PNKD: variants seen among roughly 807,000 people sequenced by gnomAD.
PNKD encodes the protein PNKD metallo-beta-lactamase domain containing.
A neutral mutation model predicts 45.3 loss-of-function variants in PNKD; 36 were observed. The ratio of observed to expected loss-of-function variants is 0.80; its 90% CI spans 0.61 to 1.05. The LOEUF is 1.05. PNKD is among the 50% of genes least tolerant of loss of function. The pLI, the probability that PNKD is intolerant of heterozygous loss-of-function variation, is 0.00. For missense variants in PNKD, 511 were observed against 506.6 expected (o/e 1.01, Z -0.08); for synonymous variants, 197 against 210.1 (o/e 0.94, Z 0.54).
At chr2:218,293,452 A>G (rs926773606) in intron 2 of PNKD, among the ~76,000 whole-genome samples, 3 of 152,054 alleles carry the variant, frequency 2.0e-5, no homozygotes, top group Admixed American at 6.6e-5. Context: ...GCCTTGCCTG[A>G]GTTTCTGTGG....
chr2:218,278,688 G>T, intron 2 of PNKD: 1 of 1,073,482 alleles, frequency 9.3e-7, no homozygotes, highest in Non-Finnish European at 1.4e-6. Context: ...CAACTCAACA[G>T]GAAGCAAGAA....
rs1163918435 is a variant in PNKD, at chr2:218,345,471, C to T, written c.*490C>T. On this transcript the variant is annotated 3_prime_UTR_variant, in exon 10 of 10. Coordinates refer to ENST00000273077, the MANE Select transcript of PNKD (RefSeq NM_015488.5). Reference sequence around the variant, plus strand: ...ACAAAAGCACCACTCAGATGGGCAGCTGGACTCTGGTGTCCTGAGACTCTG... The same window carrying T: ...ACAAAAGCACCACTCAGATGGGCAGTTGGACTCTGGTGTCCTGAGACTCTG... 6.3e-6 allele frequency: 1 copy of T among 158,280 alleles called. No individual in the cohort carries two copies. The highest frequency in any genetic ancestry group is 2.4e-5 in the African/African-American group (1 of 41,524). 9.8% of individuals were successfully genotyped at this position (158,280 alleles called of 1,614,324 possible). A position where few individuals can be genotyped will look rare whatever the true frequency, so the allele number is the denominator to read the frequency against.
intron 2 of PNKD, among the ~76,000 whole-genome samples, chr2:218,335,150 CT>C (rs1559529754): frequency 1.3e-5 from 2 of 150,536 alleles, no homozygotes; most frequent in African/African-American, 4.9e-5. Context: ...GATCCCATCT[CT>C]TTAAAAAATA....
intron 2 of PNKD, chr2:218,279,047 TA>T (rs775344685): frequency 6.9e-5 from 111 of 1,613,996 alleles, no homozygotes; most frequent in Non-Finnish European, 9.3e-5. Flanking sequence ...CTAGGACACG[TA>T]GTAGACAGCC....
At chr2:218,323,504 G>A (rs1182452564) in intron 2 of PNKD, 4 of 1,351,966 alleles carry the variant, frequency 3.0e-6, no homozygotes, top group Non-Finnish European at 3.9e-6. Context: ...GGAGGCGGGG[G>A]CTGGAGCTGG....
intron 2 of PNKD, 77 bp downstream of exon 2, chr2:218,271,626 G>C: frequency 7.5e-7 from 1 of 1,330,654 alleles, no homozygotes; most frequent in Non-Finnish European, 1.1e-6. Context: ...ACTTCTCCAA[G>C]TTTCAGGTGG....
intron 2 of PNKD, chr2:218,278,072 G>A: frequency 7.1e-7 from 1 of 1,409,876 alleles, no homozygotes; most frequent in South Asian, 1.2e-5. Flanking sequence ...GTGCCTGGAG[G>A]ATTAAGCCTT....
chr2:218,341,553 C>T lies in PNKD; in HGVS notation c.544C>T (p.Arg182Cys), dbSNP rs1401462536. The T allele has an allele frequency of 3.7e-6, 6 of 1,601,264 alleles. No individual in the cohort carries two copies. The highest frequency in any genetic ancestry group is 1.3e-5 in the African/African-American group (1 of 74,634). ...HKHWDHSGGN[R>C]DLSRRHRDCR... Reference sequence around the variant, plus strand: ...CTGCAGGGACCACAGTGGAGGGAACCGTGACCTCAGCCGGCGGCACCGGGA... The same window carrying T: ...CTGCAGGGACCACAGTGGAGGGAACTGTGACCTCAGCCGGCGGCACCGGGA... The change falls in exon 6 of 10, where the codon CGT becomes TGT. Residue 182 changes from arginine (R) to cysteine (C), a missense_variant. Arg to Cys is a radical substitution (Grantham distance 180). Coordinates refer to ENST00000273077, the MANE Select transcript of PNKD (RefSeq NM_015488.5).
Position 218,330,146 on chromosome 2 carries a change from T to G in PNKD, c.237-9637T>G, listed in dbSNP as rs534555328. 2.0e-5 allele frequency among the ~76,000 whole-genome samples: 3 copies of G among 152,270 alleles called. 1 individual carries two copies. In the South Asian group the frequency reaches 6.2e-4, roughly 32 times the overall value. On this transcript the variant is annotated intron_variant, in intron 2 of 9. Coordinates refer to ENST00000273077, the MANE Select transcript of PNKD (RefSeq NM_015488.5). ...GAGTCAAGGCAGGTGACCCTGGCAA[T>G]AGGGGCTTTCCAGATCATTCTGTGG...
chr2:218,336,152 T>A (rs1486274330), intron 2 of PNKD, among the ~76,000 whole-genome samples: 1 of 144,204 alleles, frequency 6.9e-6, no homozygotes, highest in Non-Finnish European at 1.5e-5. Flanking sequence ...GAGGCAGAGG[T>A]TGCAGTGAGC....
chr2:218,319,062 C>G (rs1693904278), intron 2 of PNKD, among the ~76,000 whole-genome samples: 1 of 147,714 alleles, frequency 6.8e-6, no homozygotes, highest in Non-Finnish European at 1.5e-5. Context: ...TCAAGTGACT[C>G]TCCTGCCTCA....
chr2:218,284,785 T>C (rs990150208), intron 2 of PNKD, among the ~76,000 whole-genome samples: 1 of 152,304 alleles, frequency 6.6e-6, no homozygotes, highest in Non-Finnish European at 1.5e-5. Flanking sequence ...GCTATAAAAA[T>C]TAAGTGAGAA....
intron 2 of PNKD, among the ~76,000 whole-genome samples, chr2:218,289,640 A>AAC (rs1553662538): frequency 1.3e-5 from 2 of 151,294 alleles, no homozygotes; most frequent in Admixed American, 6.6e-5. Context: ...AAAAAAAAAA[A>AAC]AAAAAACTGA....
chr2:218,314,222 C>CTTGTTTTT (rs1553667489), intron 2 of PNKD, among the ~76,000 whole-genome samples: 1 of 67,710 alleles, frequency 1.5e-5, no homozygotes, highest in African/African-American at 6.5e-5. Context: ...CGCGCCCTGG[C>CTTGTTTTT]TTTTTTTTTT....
chr2:218,315,585 C>T (rs1409014368), intron 2 of PNKD, among the ~76,000 whole-genome samples: 4 of 152,274 alleles, frequency 2.6e-5, no homozygotes, highest in Non-Finnish European at 4.4e-5. Context: ...GAATAACATA[C>T]GCCTATTAAG....
Position 218,303,802 on chromosome 2 carries a change from C to T in PNKD, c.236+32253C>T, listed in dbSNP as rs186661947. Among the ~76,000 whole-genome samples the T allele has an allele frequency of 3.9e-3, 595 of 152,118 alleles. 5 individuals are homozygous for T. Among genetic ancestry groups the T allele is most frequent in the African/African-American group, 0.011 (474 of 41,492 alleles). On this transcript the variant is annotated intron_variant, in intron 2 of 9. Coordinates refer to ENST00000273077, the MANE Select transcript of PNKD (RefSeq NM_015488.5). The stretch of plus-strand genomic sequence containing the variant: ...TCTTGGCCAGGCTAGTCTTGAACTC[C>T]TGACCTCATGATCCACCTGCCTCAG...
In PNKD at chr2:218,293,706, C is replaced by T. The variant is rs183692216; in HGVS notation, c.236+22157C>T. On this transcript the variant is annotated intron_variant, in intron 2 of 9. Transcript: ENST00000273077. ...CAAGTGATTCTCCGGCCTCAGCCTC[C>T]TGAGTAGCTGGGATTACAAGTGTGT... Among the ~76,000 whole-genome samples, 260 of 151,440 alleles carry T rather than the reference C, an allele frequency of 1.7e-3. 3 individuals carry two copies. Among genetic ancestry groups the T allele is most frequent in the African/African-American group, 5.9e-3 (242 of 41,284 alleles).
At chr2:218,271,581 G>T (rs1312022637) in intron 2 of PNKD, 32 bp downstream of exon 2, 1 of 1,595,386 alleles carries the variant, frequency 6.3e-7, no homozygotes, top group Non-Finnish European at 8.6e-7. Context: ...GCCCACCAAC[G>T]GGGCGTGGCT....
intron 2 of PNKD, among the ~76,000 whole-genome samples, chr2:218,318,850 G>A (rs1227670141): frequency 6.6e-6 from 1 of 151,748 alleles, no homozygotes; most frequent in East Asian, 1.9e-4. Flanking sequence ...AGAGTGAGGA[G>A]GTGGTGAGCA....
Sources: gnomAD v4.1 joint callset for allele counts (sites outside exome capture counted in the v4.1 genomes callset) on GRCh38, gnomAD v4.1.1 for gene constraint, MANE v1.5 for transcripts, NCBI Gene and HGNC (gene_info 2026-07-23, HGNC 2026-07-21) for gene names.